Variants in RAPGEF1 observed in about 807,000 individuals in gnomAD.
RAPGEF1 encodes the protein Rap guanine nucleotide exchange factor 1.
RAPGEF1 carries 33 observed loss-of-function variants against 143.3 expected under a neutral mutation model. That is an observed-to-expected ratio of 0.23 (90% CI 0.17 to 0.31). The LOEUF is 0.31. Ranked by LOEUF, RAPGEF1 falls within the 10% of genes least tolerant of loss-of-function variation. The pLI, the probability that RAPGEF1 is intolerant of heterozygous loss-of-function variation, is 1.00. For missense variants in RAPGEF1, 1,199 were observed against 1,645.4 expected, an observed-to-expected ratio of 0.73 and a Z score of 4.69; for synonymous variants, 629 against 676.5, an observed-to-expected ratio of 0.93 and a Z score of 1.09.
intron 1 of RAPGEF1, chr9:131,709,790 AC>A: frequency 6.5e-7 from 1 of 1,542,970 alleles, no homozygotes; most frequent in Non-Finnish European, 8.7e-7. Context: ...GACATCCCAA[AC>A]CACCCAGCGG....
chr9:131,579,511 C>A lies in RAPGEF1; in HGVS notation c.3778G>T (p.Glu1260Ter). 6.2e-7 allele frequency: 1 copy of A among 1,613,972 alleles called. No homozygotes were observed. Among genetic ancestry groups the A allele is most frequent in the East Asian group, 2.2e-5 (1 of 44,888 alleles). Residue 1260 changes from glutamate (E) to a stop codon, truncating the protein, a stop_gained, in exon 27 of 27, where the codon GAA becomes TAA. Transcript: ENST00000683357. LOFTEE classifies it high-confidence loss of function. ...GGCGTCTGCTCCTAGGTCTTCTCTT[C>A]CCGGTCTGTTTTTCTCCTTGTTATG... ...RNITRRKTDR[E>*]EKT
At chr9:131,601,865 C>T (rs1243027833) in intron 15 of RAPGEF1, among the ~76,000 whole-genome samples, 196 bp downstream of exon 15, 1 of 152,156 alleles carries the variant, frequency 6.6e-6, no homozygotes, top group African/African-American at 2.4e-5. Flanking sequence ...TGCAATTGTG[C>T]CACTGCACTC....
In RAPGEF1 at chr9:131,628,711, C is replaced by T. The variant is rs1418603308; in HGVS notation, c.894-39G>A. On this transcript the variant is annotated intron_variant, in intron 7 of 26. Coordinates refer to ENST00000683357, the MANE Select transcript of RAPGEF1 (RefSeq NM_001377935.1). This position sits in a 1 kb window ranked among gnomAD's most constrained non-coding sequence, Gnocchi z 5.7. ...AAACGTCCAGGCAGACCAAACCACA[C>T]TCACCAAAGCTCTTCAGCGTGATAT... is the stretch of plus-strand genomic sequence containing the variant. 1 of 1,549,784 alleles carries T rather than the reference C, an allele frequency of 6.5e-7. No individual in the cohort carries two copies. The highest frequency in any genetic ancestry group is 2.3e-5 in the East Asian group (1 of 43,968).
At chr9:131,669,749 G>A (rs990606614) in intron 1 of RAPGEF1, among the ~76,000 whole-genome samples, 5 of 152,314 alleles carry the variant, frequency 3.3e-5, no homozygotes, top group South Asian at 4.1e-4. Context: ...TAACCCCCAC[G>A]GGAGGCTCCT....
At chr9:131,599,382 A>C (rs1955876321) in intron 15 of RAPGEF1, among the ~76,000 whole-genome samples, 1 of 151,338 alleles carries the variant, frequency 6.6e-6, no homozygotes, top group Admixed American at 6.6e-5. Flanking sequence ...TGGCCTCTCA[A>C]AGTGTTAAGA....
intron 10 of RAPGEF1, 27 bp downstream of exon 10, chr9:131,625,895 C>G (rs374995755): frequency 6.6e-7 from 1 of 1,524,876 alleles, no homozygotes; most frequent in African/African-American, 1.4e-5. Flanking sequence ...AAATGCACTT[C>G]CTGACAACAG....
chr9:131,692,876 C>G (rs1265003660), intron 1 of RAPGEF1, among the ~76,000 whole-genome samples: 2 of 152,156 alleles, frequency 1.3e-5, no homozygotes, highest in African/African-American at 4.8e-5. Flanking sequence ...GTTGCTAATG[C>G]TTCTTGTTGC....
chr9:131,655,223 A>C lies in RAPGEF1; in HGVS notation c.62-4274T>G, dbSNP rs1279572902. ...ACCCACTGCGCTCTGGACCAAAGAG[A>C]AAAGCCAGGGCCTGACCCGCATTCA... On this transcript the variant is annotated intron_variant, in intron 1 of 26. Coordinates refer to ENST00000683357, the MANE Select transcript of RAPGEF1 (RefSeq NM_001377935.1). This position sits in a 1 kb window ranked among gnomAD's most constrained non-coding sequence, Gnocchi z 4.1. Among the ~76,000 whole-genome samples the C allele has an allele frequency of 6.6e-6, 1 of 152,230 alleles. No homozygotes were observed. The highest frequency in any genetic ancestry group is 1.5e-5 in the Non-Finnish European group (1 of 68,042).
chr9:131,679,362 G>A (rs1832721578), intron 1 of RAPGEF1, among the ~76,000 whole-genome samples: 1 of 152,158 alleles, frequency 6.6e-6, no homozygotes, highest in Admixed American at 6.5e-5. Context: ...AAGGAAACCT[G>A]TCAGTGCTAC....
intron 1 of RAPGEF1, among the ~76,000 whole-genome samples, chr9:131,679,277 C>T (rs946002659): frequency 2.6e-5 from 4 of 152,246 alleles, no homozygotes; most frequent in African/African-American, 9.6e-5. Flanking sequence ...GGGCCAGCCC[C>T]TGTCCTCCAT....
chr9:131,639,056 A>G (rs914347956), intron 4 of RAPGEF1, among the ~76,000 whole-genome samples: 1 of 152,192 alleles, frequency 6.6e-6, no homozygotes, highest in African/African-American at 2.4e-5. Context: ...ACGATAGTTA[A>G]GATGCTTTTT....
Position 131,582,635 on chromosome 9 carries a change from G to T in RAPGEF1, c.3482C>A (p.Ser1161Ter). Residue 1161 changes from serine (S) to a stop codon, truncating the protein, a stop_gained, in exon 25 of 27, where the codon TCG (serine) becomes TAG (stop). Coordinates refer to ENST00000683357, the MANE Select transcript of RAPGEF1 (RefSeq NM_001377935.1). LOFTEE classifies it high-confidence loss of function. ...SSFRAYRAAL[S>*]EVEPPCIPYL... ...CGGGATGCACGGCGGTTCCACCTCC[G>T]AGAGGGCGGCCCGGTAGGCTCGGAA... The T allele has an allele frequency of 6.5e-7, 1 of 1,533,470 alleles. No individual in the cohort carries two copies. The allele number at this position is 1,533,470 out of a possible 1,614,324, so 95.0% of individuals were successfully genotyped here. A position where few individuals can be genotyped will look rare whatever the true frequency, so the allele number is the denominator to read the frequency against.
intron 3 of RAPGEF1, 114 bp from the exon 4 acceptor site, chr9:131,643,531 T>A (rs958966508): frequency 2.8e-6 from 3 of 1,059,268 alleles, no homozygotes; most frequent in African/African-American, 1.6e-5. Context: ...ATGGAAAGGC[T>A]CTTGCTACAG....
At chr9:131,646,786 C>T (rs186685965) in intron 3 of RAPGEF1, among the ~76,000 whole-genome samples, 19 of 152,004 alleles carry the variant, frequency 1.2e-4, no homozygotes, top group African/African-American at 4.6e-4. Context: ...ACTAGAATTG[C>T]AGGATTAAAA....
intron 25 of RAPGEF1, 50 bp from the exon 26 acceptor site, chr9:131,580,441 G>A: frequency 1.3e-6 from 2 of 1,591,602 alleles, no homozygotes; most frequent in Non-Finnish European, 1.7e-6. Flanking sequence ...TTTGGAAGCA[G>A]CAAGGGCTAG....
intron 1 of RAPGEF1, among the ~76,000 whole-genome samples, chr9:131,665,294 C>T (rs1470680745): frequency 6.6e-6 from 1 of 152,184 alleles, no homozygotes; most frequent in Admixed American, 6.5e-5. Flanking sequence ...TTCACCCTTC[C>T]AGCAGCTCAG....
Position 131,626,125 on chromosome 9 carries a change from G to A in RAPGEF1, c.1499C>T (p.Ser500Leu), listed in dbSNP as rs1415303385. The A allele has an allele frequency of 5.6e-6, 9 of 1,613,872 alleles. No homozygotes were observed. The highest frequency in any genetic ancestry group is 3.3e-4 in the Middle Eastern group (2 of 6,084). ...CTCCCCAGAGATGTTGTCATACTGC[G>A]AGGGATGCCGCTCGTAGGACACCCT... is the stretch of plus-strand genomic sequence containing the variant. ...GCRVSYERHP[S>L]QYDNISGEDL... Residue 500 changes from serine (S) to leucine (L), a missense_variant, in exon 10 of 27, where the codon TCG (serine) becomes TTG (leucine). Physicochemically the swap from Ser to Leu is moderately radical, Grantham distance 145 (BLOSUM62 -2). Around this residue, in one of 6 missense-constraint regions of RAPGEF1, gnomAD observed 613 missense variants for 710.9 expected, o/e 0.86. Coordinates refer to ENST00000683357, the MANE Select transcript of RAPGEF1 (RefSeq NM_001377935.1).
At chr9:131,625,812 T>G (rs1376546352) in intron 10 of RAPGEF1, 110 bp downstream of exon 10, 1 of 1,414,558 alleles carries the variant, frequency 7.1e-7, no homozygotes, top group Non-Finnish European at 9.5e-7. Flanking sequence ...GCCTATCTTT[T>G]ATGAAATAAT....
chr9:131,631,693 A>G (rs753690699), intron 5 of RAPGEF1, among the ~76,000 whole-genome samples: 1 of 152,264 alleles, frequency 6.6e-6, no homozygotes, highest in Non-Finnish European at 1.5e-5. Context: ...AGCACCACAC[A>G]CAAAAAAGGC....
Sources: allele counts gnomAD v4.1 joint callset (sites outside exome capture counted in the v4.1 genomes callset), GRCh38; gene constraint gnomAD v4.1.1; regional missense constraint gnomAD v4.1.1; non-coding constraint Gnocchi (gnomAD v3.1); transcripts MANE v1.5; gene names NCBI Gene and HGNC (gene_info 2026-07-23, HGNC 2026-07-21).